The following FAHD1 variants were observed in gnomAD, a reference collection of about 807,000 sequenced individuals.
FAHD1 encodes FAH domain containing oxaloacetate decarboxylase 1.
FAHD1 carries 14 observed loss-of-function variants against 12.7 expected under a neutral mutation model. The observed-to-expected ratio is 1.10, with a 90% CI of 0.73 to 1.72. The LOEUF (loss-of-function observed/expected upper bound fraction) is 1.72, where lower values mean the gene tolerates loss of function less well. Among genes scored for constraint, FAHD1 ranks in the 40% most tolerant of loss-of-function variants. The probability of loss-of-function intolerance (pLI) is 0.00; values close to 1 mark genes in which losing one functional copy is unlikely to be tolerated. For missense variants in FAHD1, 351 were observed against 298.9 expected, an observed-to-expected ratio of 1.17 and a Z score of -1.29; for synonymous variants, 153 against 124.9, an observed-to-expected ratio of 1.22 and a Z score of -1.50.
intron 1 of FAHD1, among the ~76,000 whole-genome samples, chr16:1,835,902 C>A (rs1898733925): frequency 6.6e-6 from 1 of 151,560 alleles, no homozygotes; most frequent in Admixed American, 6.6e-5. Flanking sequence ...CTCTGTCACC[C>A]AGGCTGGAGT....
chr16:1,832,718 C>G (rs1454744678), downstream of FAHD1, among the ~76,000 whole-genome samples: 2 of 152,022 alleles, frequency 1.3e-5, no homozygotes, highest in Non-Finnish European at 2.9e-5. Context: ...CTTGCTGAAC[C>G]AACAGTGGGA....
exon 3 of FAHD1, chr16:1,839,474 C>A: frequency 6.5e-7 from 1 of 1,543,458 alleles, no homozygotes; most frequent in South Asian, 1.2e-5. Flanking sequence ...AAATGTGATG[C>A]CCTAAGCTAC....
At chr16:1,838,170 T>C (rs1898800370) in intron 2 of FAHD1, 1 of 500,132 alleles carries the variant, frequency 2.0e-6, no homozygotes, top group East Asian at 3.1e-5. Context: ...TTGTTTTATG[T>C]TTTATGTTTT....
At chr16:1,831,090 GT>G (rs374032739), downstream of FAHD1, among the ~76,000 whole-genome samples, 38 of 152,248 alleles carry the variant, frequency 2.5e-4, no homozygotes, top group African/African-American at 8.2e-4. Flanking sequence ...GTATTAGTCT[GT>G]ACAGAATATA....
exon 3 of FAHD1, chr16:1,839,263 C>G (rs1898833706): frequency 6.2e-7 from 1 of 1,605,202 alleles, no homozygotes; most frequent in Non-Finnish European, 8.5e-7. Flanking sequence ...ACCGTGCAGC[C>G]CAAAGTCTCC....
chr16:1,827,318 A>G, exon 1 of FAHD1: 1 of 1,613,212 alleles, frequency 6.2e-7, no homozygotes, highest in Non-Finnish European at 8.5e-7. Context: ...TACGCGGACC[A>G]CGTCAGGGAG....
At chr16:1,832,416 C>T (rs1329978312), downstream of FAHD1, among the ~76,000 whole-genome samples, 2 of 150,436 alleles carry the variant, frequency 1.3e-5, no homozygotes, top group Admixed American at 1.3e-4. Context: ...CGTGATCCAC[C>T]CACCTCAGCC....
At chr16:1,836,902 A>G (rs1898761979) in intron 1 of FAHD1, among the ~76,000 whole-genome samples, 1 of 152,230 alleles carries the variant, frequency 6.6e-6, no homozygotes, top group Non-Finnish European at 1.5e-5. Flanking sequence ...ATCAGTAGAT[A>G]TAACCACACA....
At chr16:1,827,473 T>C (rs1898506736) in exon 1 of FAHD1, 1 of 1,611,744 alleles carries the variant, frequency 6.2e-7, no homozygotes, top group Non-Finnish European at 8.5e-7. Flanking sequence ...GGGCAAGCGC[T>C]GCCGCGCAGT....
chr16:1,830,450 A>G (rs977756468), downstream of FAHD1, among the ~76,000 whole-genome samples: 1 of 152,260 alleles, frequency 6.6e-6, no homozygotes, highest in African/African-American at 2.4e-5. Flanking sequence ...CAGCTGAGAT[A>G]TAGCTACCAA....
intron 2 of FAHD1, among the ~76,000 whole-genome samples, chr16:1,838,306 A>G (rs185788889): frequency 6.6e-6 from 1 of 152,218 alleles, no homozygotes; most frequent in Admixed American, 6.5e-5. Context: ...AGCCAACTCA[A>G]CTGTTTTGAT....
chr16:1,830,183 T>G (rs916731587), downstream of FAHD1, among the ~76,000 whole-genome samples: 1 of 152,224 alleles, frequency 6.6e-6, no homozygotes, highest in Non-Finnish European at 1.5e-5. Context: ...ATTATTTAAC[T>G]TGCTTATTTC....
rs564125876 is a variant in FAHD1, at chr16:1,834,363, C to T, written c.628-3653C>T. On this transcript the variant is annotated intron_variant, in intron 1 of 2. Coordinates refer to the FAHD1 transcript ENST00000382666. ...CCACTCCTTGCTCTGTGTGATAGAA[C>T]GAACTGCGAGGAGAAACAGAAAAAG... 55 of 1,561,602 alleles carry T rather than the reference C, an allele frequency of 3.5e-5. No homozygotes were observed. The Middle Eastern group carries it at 6.7e-4, about 19-fold the overall frequency.
intron 2 of FAHD1, among the ~76,000 whole-genome samples, chr16:1,838,367 C>A (rs541613410): frequency 2.8e-4 from 43 of 152,064 alleles, no homozygotes; most frequent in Admixed American, 5.9e-4. Flanking sequence ...CAAAGGTAAT[C>A]AGGTATCTCA....
At chr16:1,828,003 C>G in exon 1 of FAHD1, 1 of 1,515,298 alleles carries the variant, frequency 6.6e-7, no homozygotes, top group Non-Finnish European at 8.8e-7. Context: ...ATTTATTGGC[C>G]GGACGCGGTG....
At chr16:1,830,946 C>CCCACCCACCCA (rs1898611966), downstream of FAHD1, among the ~76,000 whole-genome samples, 1 of 35,248 alleles carries the variant, frequency 2.8e-5, no homozygotes, top group African/African-American at 1.1e-4. Context: ...ACACACACAC[C>CCCACCCACCCA]CATATTTTGG....
At chr16:1,836,436 T>C (rs1898750716) in intron 1 of FAHD1, among the ~76,000 whole-genome samples, 1 of 152,150 alleles carries the variant, frequency 6.6e-6, no homozygotes, top group Non-Finnish European at 1.5e-5. Flanking sequence ...GTGCCTCCTG[T>C]CTGGAGGGAA....
At chr16:1,827,897 A>C in exon 1 of FAHD1, 1 of 1,611,924 alleles carries the variant, frequency 6.2e-7, no homozygotes, top group Non-Finnish European at 8.5e-7. Context: ...GAAAAGCCAG[A>C]ATATTGAGTT....
At position 1,828,521 on chromosome 16, in the gene FAHD1, A is replaced by C. The variant is rs1046433153; in HGVS notation, c.*617A>C. The C allele has an allele frequency of 1.5e-5, 15 of 1,000,100 alleles. No homozygotes were observed. The Admixed American group carries it at 2.5e-4, about 16-fold the overall frequency. The allele number at this position is 1,000,100 out of a possible 1,614,324, so 62.0% of individuals were successfully genotyped here. A position where few individuals can be genotyped will look rare whatever the true frequency, so the allele number is the denominator to read the frequency against. On this transcript the variant is annotated 3_prime_UTR_variant, in exon 1 of 1. Coordinates refer to ENST00000427358, the Ensembl canonical transcript of FAHD1. The stretch of plus-strand genomic sequence containing the variant: ...TTATCTCTAGGATGATCAGTAGTTC[A>C]GCACTTAAAAACTGCAGAGAAAACT...
Sources: allele counts gnomAD v4.1 joint callset (sites outside exome capture counted in the v4.1 genomes callset), GRCh38; gene constraint gnomAD v4.1.1; transcripts MANE v1.5; gene names NCBI Gene and HGNC (gene_info 2026-07-23, HGNC 2026-07-21).